KCND2: variants seen among roughly 807,000 people sequenced by gnomAD.
KCND2 encodes A-type voltage-gated potassium channel KCND2.
In KCND2, 16 loss-of-function variants were observed where a neutral mutation model predicts 54.4. The ratio of observed to expected loss-of-function variants is 0.29; its 90% CI spans 0.20 to 0.45. The LOEUF is 0.45. KCND2 is among the 20% of genes least tolerant of loss of function. The pLI is 1.00. For missense variants in KCND2, 486 were observed against 824.2 expected, an observed-to-expected ratio of 0.59 and a Z score of 5.02; for synonymous variants, 317 against 310.7, an observed-to-expected ratio of 1.02 and a Z score of -0.21.
At chr7:120,543,767 T>C (rs538050343) in intron 1 of KCND2, among the ~76,000 whole-genome samples, 5 of 152,108 alleles carry the variant, frequency 3.3e-5, no homozygotes, top group African/African-American at 1.2e-4. Flanking sequence ...AGGAGTGCAT[T>C]GTCCATATGG....
At chr7:120,705,953 T>C (rs527976840) in intron 1 of KCND2, among the ~76,000 whole-genome samples, 6 of 152,224 alleles carry the variant, frequency 3.9e-5, no homozygotes, top group African/African-American at 1.2e-4. Context: ...TCTGTCTCTC[T>C]TCTGCCCACA....
intron 1 of KCND2, among the ~76,000 whole-genome samples, chr7:120,623,934 C>G (rs1480227547): frequency 6.6e-6 from 1 of 152,038 alleles, no homozygotes; most frequent in East Asian, 1.9e-4. Context: ...GTGACTAAAT[C>G]ATAAGATTTA....
chr7:120,426,797 A>T (rs1801714630), intron 1 of KCND2, among the ~76,000 whole-genome samples: 1 of 151,546 alleles, frequency 6.6e-6, no homozygotes, highest in Non-Finnish European at 1.5e-5. Flanking sequence ...AATTTTTTGA[A>T]TTTTTAGTAG....
At chr7:120,607,784 G>C (rs1792901041) in intron 1 of KCND2, among the ~76,000 whole-genome samples, 1 of 152,042 alleles carries the variant, frequency 6.6e-6, no homozygotes, top group Non-Finnish European at 1.5e-5. Context: ...GTAAATTCTA[G>C]ATATAGCATG....
chr7:120,664,458 G>A (rs1440660838), intron 1 of KCND2, among the ~76,000 whole-genome samples: 2 of 151,700 alleles, frequency 1.3e-5, no homozygotes, highest in Non-Finnish European at 2.9e-5. Context: ...TAATAGGAGA[G>A]AAGAAATGAA....
At chr7:120,577,949 C>G (rs1031712249) in intron 1 of KCND2, among the ~76,000 whole-genome samples, 1 of 151,842 alleles carries the variant, frequency 6.6e-6, no homozygotes, top group Non-Finnish European at 1.5e-5. Flanking sequence ...ACCTGTAATC[C>G]TAGCACTTTG....
At chr7:120,563,719 A>C (rs1387790875) in intron 1 of KCND2, among the ~76,000 whole-genome samples, 1 of 152,134 alleles carries the variant, frequency 6.6e-6, no homozygotes, top group African/African-American at 2.4e-5. Context: ...GCAGAATCCT[A>C]TTCCAGCCTT....
At chr7:120,523,149 G>A (rs1390781419) in intron 1 of KCND2, among the ~76,000 whole-genome samples, 1 of 152,040 alleles carries the variant, frequency 6.6e-6, no homozygotes, top group Admixed American at 6.6e-5. Context: ...TTTCAGAGTG[G>A]TAAACCATTC....
At chr7:120,694,022 A>G (rs1792304025) in intron 1 of KCND2, among the ~76,000 whole-genome samples, 2 of 152,196 alleles carry the variant, frequency 1.3e-5, no homozygotes. Flanking sequence ...TGAGCCCAAG[A>G]AGTTGAGGCT....
intron 1 of KCND2, among the ~76,000 whole-genome samples, chr7:120,673,951 C>A (rs914253368): frequency 6.6e-6 from 1 of 150,584 alleles, no homozygotes; most frequent in Non-Finnish European, 1.5e-5. Context: ...GTCACCCAGG[C>A]TGGAGTGCAG....
At chr7:120,618,020 G>A (rs1018498266) in intron 1 of KCND2, among the ~76,000 whole-genome samples, 5 of 152,132 alleles carry the variant, frequency 3.3e-5, no homozygotes, top group Admixed American at 6.5e-5. Context: ...AACAGTGAGA[G>A]TAGGAAGAGA....
chr7:120,326,239 T>C (rs1243318812), intron 1 of KCND2, among the ~76,000 whole-genome samples: 2 of 152,096 alleles, frequency 1.3e-5, no homozygotes, highest in African/African-American at 4.8e-5. Context: ...TTGGGCTGCC[T>C]AGAAAGAGCA....
chr7:120,718,195 A>G (rs1302209660), intron 1 of KCND2, among the ~76,000 whole-genome samples: 1 of 152,196 alleles, frequency 6.6e-6, no homozygotes, highest in East Asian at 1.9e-4. Flanking sequence ...TGTTTGAAGA[A>G]ATACATTTTA....
chr7:120,541,301 C>A (rs149543635), intron 1 of KCND2, among the ~76,000 whole-genome samples: 40 of 152,080 alleles, frequency 2.6e-4, no homozygotes, highest in African/African-American at 8.2e-4. Flanking sequence ...CAGTTATTCC[C>A]AAACCTCACT....
chr7:120,357,588 G>C (rs192933521), intron 1 of KCND2, among the ~76,000 whole-genome samples: 273 of 151,900 alleles, frequency 1.8e-3, no homozygotes, highest in Non-Finnish European at 2.7e-3. Context: ...CACTCCAGAG[G>C]ATCAGAGTCA....
intron 1 of KCND2, among the ~76,000 whole-genome samples, chr7:120,648,601 G>C (rs561618582): frequency 6.6e-6 from 1 of 152,314 alleles, no homozygotes; most frequent in African/African-American, 2.4e-5. Flanking sequence ...CTCTGTGCAA[G>C]AGTGAAGGAA....
intron 1 of KCND2, among the ~76,000 whole-genome samples, chr7:120,451,816 A>G (rs1802114348): frequency 6.6e-6 from 1 of 152,182 alleles, no homozygotes; most frequent in South Asian, 2.1e-4. Context: ...TTGATGTGCT[A>G]TGCTCCAGTG....
chr7:120,313,289 AGTT>A (rs1052384755), intron 1 of KCND2, among the ~76,000 whole-genome samples: 70 of 152,316 alleles, frequency 4.6e-4, no homozygotes, highest in African/African-American at 1.6e-3. Flanking sequence ...TGATAAAGAT[AGTT>A]GTTCATCTTA....
At chr7:120,707,764 G>T (rs1422455402) in intron 1 of KCND2, among the ~76,000 whole-genome samples, 1 of 152,046 alleles carries the variant, frequency 6.6e-6, no homozygotes, top group Non-Finnish European at 1.5e-5. Flanking sequence ...CATTGTTTCT[G>T]AGAGTTCAGC....
Sources: gnomAD v4.1 joint callset for allele counts (sites outside exome capture counted in the v4.1 genomes callset) on GRCh38, gnomAD v4.1.1 for gene constraint, MANE v1.5 for transcripts, NCBI Gene and HGNC (gene_info 2026-07-23, HGNC 2026-07-21) for gene names.